ATAD3B: variants seen among roughly 807,000 people sequenced by gnomAD.
The protein encoded by ATAD3B is ATPase family AAA domain-containing protein 3B.
A neutral mutation model predicts 70.2 loss-of-function variants in ATAD3B; 59 were observed. The ratio of observed to expected loss-of-function variants is 0.84; its 90% CI spans 0.68 to 1.04. The LOEUF (loss-of-function observed/expected upper bound fraction) is 1.04. Ranked by LOEUF, ATAD3B falls within the 50% of genes least tolerant of loss-of-function variation. The pLI is 0.00. For synonymous variants in ATAD3B, 423 were observed against 388.6 expected, an observed-to-expected ratio of 1.09 and a Z score of -1.04; for missense variants, 961 against 913.4, an observed-to-expected ratio of 1.05 and a Z score of -0.67.
Position 1,496,063 on chromosome 1 carries a change from G to T in ATAD3B, c.*246G>T. On this transcript the variant is annotated 3_prime_UTR_variant, in exon 16 of 16. Transcript: ENST00000673477. ...TGCCAGGACTAGACAGAAGTGGGGC[G>T]GCCTGAACCCTGCTTCCAGCCATGG... 7.9e-7 allele frequency: 1 copy of T among 1,264,702 alleles called. No homozygotes were observed. The allele number at this position is 1,264,702 out of a possible 1,614,324, so 78.3% of individuals were successfully genotyped here.
intron 11 of ATAD3B, 89 bp from the exon 12 acceptor site, chr1:1,487,774 T>C: frequency 6.6e-7 from 1 of 1,510,350 alleles, no homozygotes; most frequent in Non-Finnish European, 9.2e-7. Flanking sequence ...GGGATCTGCC[T>C]GCCTGGCCTG....
chr1:1,485,604 C>G (rs183314637), intron 8 of ATAD3B, among the ~76,000 whole-genome samples, 178 bp from the exon 9 acceptor site: 42 of 152,206 alleles, frequency 2.8e-4, no homozygotes, highest in Admixed American at 4.6e-4. Context: ...GAAAATGCCC[C>G]TAATCCCAGC....
chr1:1,483,218 C>A, intron 7 of ATAD3B: 1 of 356,608 alleles, frequency 2.8e-6, no homozygotes, highest in South Asian at 2.1e-5. Context: ...TCACTTGAAC[C>A]CGGGTGGTGG....
intron 8 of ATAD3B, 145 bp from the exon 9 acceptor site, chr1:1,485,637 G>C: frequency 7.5e-7 from 1 of 1,335,996 alleles, no homozygotes; most frequent in South Asian, 1.3e-5. Context: ...GTCTCCCGGC[G>C]GGGCAGGGTT....
intron 7 of ATAD3B, 141 bp downstream of exon 7, chr1:1,482,755 C>T (rs753236786): frequency 3.0e-6 from 4 of 1,352,768 alleles, no homozygotes; most frequent in Non-Finnish European, 4.1e-6. Context: ...GTTGTACCTG[C>T]TGGGCTCGGC....
At chr1:1,494,136 T>C (rs892873351) in intron 15 of ATAD3B, among the ~76,000 whole-genome samples, 7 of 151,776 alleles carry the variant, frequency 4.6e-5, no homozygotes, top group Non-Finnish European at 1.0e-4. Flanking sequence ...TCCCACATGG[T>C]GAACATCATG....
At chr1:1,495,363 G>C in intron 15 of ATAD3B, 122 bp from the exon 16 acceptor site, 2 of 1,352,308 alleles carry the variant, frequency 1.5e-6, no homozygotes, top group Non-Finnish European at 2.0e-6. Context: ...GGAAGCCTGT[G>C]TTTCACCCTG....
At chr1:1,486,010 CT>C in intron 9 of ATAD3B, 99 bp from the exon 10 acceptor site, 2 of 1,596,968 alleles carry the variant, frequency 1.3e-6, no homozygotes, top group Non-Finnish European at 1.7e-6. Flanking sequence ...GGGCGGCTTC[CT>C]GAGGAGCAGA....
At chr1:1,502,401 G>A (rs1368344467), downstream of ATAD3B, among the ~76,000 whole-genome samples, 1 of 149,378 alleles carries the variant, frequency 6.7e-6, no homozygotes, top group Non-Finnish European at 1.5e-5. Context: ...TTTTTAGTAG[G>A]GACGGGGTTT....
intron 2 of ATAD3B, among the ~76,000 whole-genome samples, 160 bp downstream of exon 2, chr1:1,477,510 G>C (rs1042703908): frequency 4.6e-5 from 7 of 151,858 alleles, no homozygotes; most frequent in Admixed American, 1.3e-4. Flanking sequence ...AGGGAAACAA[G>C]GGGAGGTGAG....
rs947942004 is a variant in ATAD3B, at chr1:1,471,822, G to C, written c.-63G>C. The C allele has an allele frequency of 2.4e-6, 3 of 1,239,098 alleles. No homozygotes were observed. The African/African-American group carries it at 4.7e-5, about 19-fold the overall frequency. 76.8% of individuals were successfully genotyped at this position (1,239,098 alleles called of 1,614,324 possible). A position where few individuals can be genotyped will look rare whatever the true frequency, so the allele number is the denominator to read the frequency against. ...TCGCGGCGCGTGGAGGCTGCTCCCA[G>C]CCGCGCCCGAGTCAGACTCGGGTGG... On this transcript the variant is annotated 5_prime_UTR_variant, in exon 1 of 16. Coordinates refer to ENST00000673477, the MANE Select transcript of ATAD3B (RefSeq NM_031921.6).
At chr1:1,472,688 C>T (rs1287039414) in intron 1 of ATAD3B, among the ~76,000 whole-genome samples, 1 of 152,060 alleles carries the variant, frequency 6.6e-6, no homozygotes, top group Non-Finnish European at 1.5e-5. Flanking sequence ...AAGCTCGGGT[C>T]TCTTCCCCCA....
At chr1:1,499,903 TTTTC>T, downstream of ATAD3B, among the ~76,000 whole-genome samples, 1 of 144,254 alleles carries the variant, frequency 6.9e-6, no homozygotes, top group South Asian at 2.2e-4. Context: ...CTTTTTTTTT[TTTTC>T]TTTTTGAGAC....
At chr1:1,474,236 G>A (rs550614635) in intron 1 of ATAD3B, among the ~76,000 whole-genome samples, 1 of 151,106 alleles carries the variant, frequency 6.6e-6, no homozygotes, top group Non-Finnish European at 1.5e-5. Flanking sequence ...TGTCGCCCAG[G>A]CTGGAGTGCA....
At chr1:1,495,198 C>A (rs575014499) in intron 15 of ATAD3B, among the ~76,000 whole-genome samples, 44 of 152,152 alleles carry the variant, frequency 2.9e-4, no homozygotes, top group Non-Finnish European at 4.7e-4. Context: ...CTCTCGGAAG[C>A]TGCCCTGGGT....
rs949300023 is a variant in ATAD3B, at chr1:1,489,468, G to A, written c.1337+194G>A. On this transcript the variant is annotated intron_variant, in intron 13 of 15. Coordinates refer to ENST00000673477, the MANE Select transcript of ATAD3B (RefSeq NM_031921.6). ...ATTGAGGAACATGCAGGGGCCTCCC[G>A]GGCAGAGCTGGGGTCAGTCCTGTCT... The A allele has an allele frequency of 2.0e-5, 22 of 1,107,426 alleles. 2 individuals carry two copies. Among genetic ancestry groups the A allele is most frequent in the East Asian group, 1.0e-4 (4 of 38,356 alleles). The allele number at this position is 1,107,426 out of a possible 1,614,324, so 68.6% of individuals were successfully genotyped here.
At chr1:1,509,237 G>T in the ATAD3B span, 2 of 1,613,020 alleles carry the variant, frequency 1.2e-6, no homozygotes, top group African/African-American at 2.7e-5. Context: ...ACGGGGTCCT[G>T]ACCGAGGCCA....
At position 1,495,666 on chromosome 1, in the gene ATAD3B, C is replaced by A. The variant is rs910447634; in HGVS notation, c.1796C>A (p.Ala599Asp). 1 of 1,612,808 alleles carries A rather than the reference C, an allele frequency of 6.2e-7. No homozygotes were observed. The highest frequency in any genetic ancestry group is 8.5e-7 in the Non-Finnish European group (1 of 1,179,318). ...QGETLTSWSL[A>D]TDPSYPCLAG... ...GAGACCCTCACCTCATGGAGCCTGG[C>A]CACGGACCCCTCCTACCCCTGCCTT... The change falls in exon 16 of 16, where the codon GCC becomes GAC. Residue 599 changes from alanine (A) to aspartate (D), a missense_variant. Transcript: ENST00000673477.
Position 1,496,327 on chromosome 1 carries a change from G to C in ATAD3B, c.*510G>C, listed in dbSNP as rs1640793744. On this transcript the variant is annotated 3_prime_UTR_variant, in exon 16 of 16. Transcript: ENST00000673477. ...TTCTGGAGAATTTACTGATCACAGA[G>C]CGGTGTGCTTCACATCAGCCTCGCG... 1.2e-6 allele frequency: 1 copy of C among 857,190 alleles called. No homozygotes were observed. The highest frequency in any genetic ancestry group is 1.8e-5 in the African/African-American group (1 of 54,866). The allele number at this position is 857,190 out of a possible 1,614,324, so 53.1% of individuals were successfully genotyped here.
Sources: allele counts gnomAD v4.1 joint callset (sites outside exome capture counted in the v4.1 genomes callset), GRCh38; gene constraint gnomAD v4.1.1; transcripts MANE v1.5; gene names NCBI Gene and HGNC (gene_info 2026-07-23, HGNC 2026-07-21).